The following MAST3 variants were observed in gnomAD, a reference collection of about 807,000 sequenced individuals.
MAST3 encodes microtubule associated serine/threonine kinase 3.
MAST3 carries 43 observed loss-of-function variants against 127.0 expected under a neutral mutation model. The ratio of observed to expected loss-of-function variants is 0.34; its 90% CI spans 0.27 to 0.44. The LOEUF (loss-of-function observed/expected upper bound fraction) is 0.44. Among genes scored for constraint, MAST3 ranks in the 20% least tolerant of loss-of-function variants. The pLI, the probability that MAST3 is intolerant of heterozygous loss-of-function variation, is 1.00. For missense variants in MAST3, 1,390 were observed against 1,919.1 expected (o/e 0.72, Z 5.15); for synonymous variants, 785 against 809.2 (o/e 0.97, Z 0.51).
At chr19:18,102,527 G>A (rs2037727911) in intron 1 of MAST3, among the ~76,000 whole-genome samples, 1 of 149,410 alleles carries the variant, frequency 6.7e-6, no homozygotes, top group Admixed American at 6.7e-5. Context: ...TGTCACCCAG[G>A]CTGGAGTACA....
chr19:18,130,706 C>G lies in MAST3; in HGVS notation c.1432+4C>G. 6.2e-7 allele frequency: 1 copy of G among 1,612,418 alleles called. No individual in the cohort carries two copies. The highest frequency in any genetic ancestry group is 8.5e-7 in the Non-Finnish European group (1 of 1,179,192). On this transcript the variant is annotated splice_donor_region_variant and intron_variant, in intron 14 of 27. Coordinates refer to ENST00000687212, the MANE Select transcript of MAST3 (RefSeq NM_001393504.1). ...ATGGTCATGGAATACGTGGAAGGTACGCTCACTGGGGCTTGCATGCCTCCA... is the reference window on the plus strand; with the variant it reads ...ATGGTCATGGAATACGTGGAAGGTAGGCTCACTGGGGCTTGCATGCCTCCA...
At chr19:18,137,102 G>A in intron 18 of MAST3, 137 bp from the exon 19 acceptor site, 1 of 1,040,504 alleles carries the variant, frequency 9.6e-7, no homozygotes, top group Non-Finnish European at 1.4e-6. Context: ...GATTACAGGT[G>A]TGAGCCACTG....
intron 3 of MAST3, among the ~76,000 whole-genome samples, chr19:18,117,713 G>C (rs545030999): frequency 1.3e-5 from 2 of 152,320 alleles, no homozygotes; most frequent in East Asian, 3.9e-4. Flanking sequence ...AAAAGATGGA[G>C]GGAGCGATTA....
At chr19:18,100,356 T>C (rs11672366) in intron 1 of MAST3, among the ~76,000 whole-genome samples, 57,097 of 151,150 alleles carry the variant, frequency 0.38, 11,133 homozygotes, top group Admixed American at 0.43. Flanking sequence ...AAACTCCTGA[T>C]CTCAGGTGAT....
Position 18,124,105 on chromosome 19 carries a change from A to G in MAST3, c.800A>G (p.Tyr267Cys), listed in dbSNP as rs2040312018. 2 of 1,611,670 alleles carry G rather than the reference A, an allele frequency of 1.2e-6. No homozygotes were observed. Among genetic ancestry groups the G allele is most frequent in the Non-Finnish European group, 8.5e-7 (1 of 1,179,042 alleles). Residue 267 changes from tyrosine (Y) to cysteine (C), a missense_variant, in exon 9 of 28, where the codon TAC becomes TGC. By Grantham distance (194) the Tyr-to-Cys change is radical. Around this residue, in one of 5 missense-constraint regions of MAST3, gnomAD observed 277 missense variants for 384.8 expected, o/e 0.72. Transcript: ENST00000687212. ...GGCGAGAACCTCGTCACCTCCCGCT[A>G]CTTCCTAGAGATGCAGGAGAAGCTG... is the stretch of plus-strand genomic sequence containing the variant. Reference protein sequence around the residue: ...KSGENLVTSRYFLEMQEKLER... With the variant: ...KSGENLVTSRCFLEMQEKLER...
chr19:18,098,630 C>T (rs2037240845), intron 1 of MAST3: 1 of 443,618 alleles, frequency 2.3e-6, no homozygotes, highest in Non-Finnish European at 4.5e-6. Context: ...CTCTGGGCCT[C>T]AGTGTCCCCA....
rs1351250584 is a variant in MAST3 at position 18,112,243 on chromosome 19, A to C, written c.161+1502A>C. Among the ~76,000 whole-genome samples, 1 of 152,152 alleles carries C rather than the reference A, an allele frequency of 6.6e-6. No individual in the cohort carries two copies. Among genetic ancestry groups the C allele is most frequent in the Non-Finnish European group, 1.5e-5 (1 of 68,016 alleles). On this transcript the variant is annotated intron_variant, in intron 3 of 27. Transcript: ENST00000687212. The surrounding 1 kb of genome is among the most constrained non-coding windows in gnomAD (Gnocchi z 4.1). ...AGTGGCATGATCTCGGCTCACTGCA[A>C]CCTCTGCCTCCCAGGTTCAAGTGAT...
chr19:18,109,560 AG>A (rs2038341941), intron 2 of MAST3, among the ~76,000 whole-genome samples: 1 of 151,864 alleles, frequency 6.6e-6, no homozygotes, highest in Non-Finnish European at 1.5e-5. Flanking sequence ...CAAGAGGGCC[AG>A]AGTGAGACAC....
intron 13 of MAST3, chr19:18,129,348 C>T (rs2041010471): frequency 5.6e-6 from 1 of 177,428 alleles, no homozygotes; most frequent in South Asian, 1.2e-4. Flanking sequence ...GAGTCACCAT[C>T]AAGAGGGAGA....
Position 18,144,958 on chromosome 19 carries a change from G to A in MAST3, c.2813-45G>A, listed in dbSNP as rs1271620345. ...TGGTGGGAAAGAGGGGGCCCCAGGGGAGACCTGTGAGGGAGTGAGTGACCC... is the reference window on the plus strand; with the variant it reads ...TGGTGGGAAAGAGGGGGCCCCAGGGAAGACCTGTGAGGGAGTGAGTGACCC... On this transcript the variant is annotated intron_variant, in intron 23 of 27. Transcript: ENST00000687212. The surrounding 1 kb of genome is among the most constrained non-coding windows in gnomAD (Gnocchi z 4.0). 9.0e-7 allele frequency: 1 copy of A among 1,109,524 alleles called. No homozygotes were observed. Among genetic ancestry groups the A allele is most frequent in the Non-Finnish European group, 1.3e-6 (1 of 744,252 alleles). The allele number at this position is 1,109,524 out of a possible 1,614,324, so 68.7% of individuals were successfully genotyped here. A position where few individuals can be genotyped will look rare whatever the true frequency, so the allele number is the denominator to read the frequency against.
Position 18,137,350 on chromosome 19 carries a change from G to C in MAST3, c.2084G>C (p.Ser695Thr), listed in dbSNP as rs2041984475. ...VPQLEAEDDT[S>T]YFDTRSERYR... ...CAGCTCGAAGCTGAGGATGATACCA[G>C]CTACTTTGACAGTAAGGAGGGATCC... Residue 695 changes from serine (S) to threonine (T), a missense_variant, in exon 19 of 28, where the codon AGC (serine) becomes ACC (threonine). Physicochemically the swap from Ser to Thr is moderately conservative, Grantham distance 58 (BLOSUM62 1). Coordinates refer to ENST00000687212, the MANE Select transcript of MAST3 (RefSeq NM_001393504.1). 6.2e-7 allele frequency: 1 copy of C among 1,613,562 alleles called. No individual in the cohort carries two copies. The highest frequency in any genetic ancestry group is 1.7e-4 in the Middle Eastern group (1 of 6,058).
At chr19:18,123,143 A>AGGGGTG (rs1234127425) in intron 6 of MAST3, 74 bp from the exon 7 acceptor site, 2 of 1,529,052 alleles carry the variant, frequency 1.3e-6, no homozygotes, top group African/African-American at 2.7e-5. Flanking sequence ...CTGGGCCTTG[A>AGGGGTG]GGGGTGGTGC....
At chr19:18,147,844 C>A (rs1318520896) in intron 27 of MAST3, among the ~76,000 whole-genome samples, 1 of 152,152 alleles carries the variant, frequency 6.6e-6, no homozygotes, top group Non-Finnish European at 1.5e-5. Context: ...ACAAATGGGG[C>A]TAGACAGGAG....
chr19:18,101,920 C>T (rs560604593), intron 1 of MAST3, among the ~76,000 whole-genome samples: 1 of 110,282 alleles, frequency 9.1e-6, no homozygotes, highest in Non-Finnish European at 1.7e-5. Flanking sequence ...CGGAGTCTTG[C>T]TCTGTCGCCC....
Position 18,145,833 on chromosome 19 carries a change from G to A in MAST3, c.3130G>A (p.Val1044Met), listed in dbSNP as rs753033363. 2 of 1,599,740 alleles carry A rather than the reference G, an allele frequency of 1.3e-6. No homozygotes were observed. The highest frequency in any genetic ancestry group is 8.5e-7 in the Non-Finnish European group (1 of 1,174,406). ...CAACGGGGAGTCAGTGCTGGGGCTG[G>A]TGCACATGGACGTCGTGGAGCTGCT... ...HINGESVLGLVHMDVVELLLK... is the reference protein window; with the variant it reads ...HINGESVLGLMHMDVVELLLK... The change falls in exon 25 of 28, where the codon GTG (valine) becomes ATG (methionine). Residue 1044 changes from valine to methionine, a missense_variant. Coordinates refer to ENST00000687212, the MANE Select transcript of MAST3 (RefSeq NM_001393504.1). This position sits in a 1 kb window ranked among gnomAD's most constrained non-coding sequence, Gnocchi z 5.9.
At chr19:18,121,797 G>A in intron 4 of MAST3, 24 bp downstream of exon 4, 1 of 1,613,812 alleles carries the variant, frequency 6.2e-7, no homozygotes, top group Non-Finnish European at 8.5e-7. Flanking sequence ...CAGCCAGCGG[G>A]TGCTGTGTCC....
Position 18,145,612 on chromosome 19 carries a change from C to T in MAST3, c.3040-131C>T. ...CTTTGATGGGTGAGTAGGAGTTCCC[C>T]CAGGATCAGGGAAACTGAGACAGCA... On this transcript the variant is annotated intron_variant, in intron 24 of 27. Transcript: ENST00000687212. The surrounding 1 kb of genome is among the most constrained non-coding windows in gnomAD (Gnocchi z 5.9). 2.6e-6 allele frequency: 3 copies of T among 1,160,636 alleles called. No homozygotes were observed. Among genetic ancestry groups the T allele is most frequent in the Non-Finnish European group, 3.5e-6 (3 of 852,020 alleles). The allele number at this position is 1,160,636 out of a possible 1,614,324, so 71.9% of individuals were successfully genotyped here.
At chr19:18,123,535 G>T in intron 7 of MAST3, 45 bp from the exon 8 acceptor site, 2 of 1,489,904 alleles carry the variant, frequency 1.3e-6, no homozygotes, top group South Asian at 1.4e-5. Context: ...CTCCCCTGGG[G>T]TTGGTCTCAG....
At chr19:18,138,545 T>C (rs1349115845) in intron 19 of MAST3, among the ~76,000 whole-genome samples, 1 of 152,172 alleles carries the variant, frequency 6.6e-6, no homozygotes, top group Non-Finnish European at 1.5e-5. Context: ...TCACCCAGGC[T>C]GGAGTGCAGT....
Sources: gnomAD v4.1 joint callset for allele counts (sites outside exome capture counted in the v4.1 genomes callset) on GRCh38, gnomAD v4.1.1 for gene constraint, gnomAD v4.1.1 regional missense constraint, Gnocchi (gnomAD v3.1) non-coding constraint, MANE v1.5 for transcripts, NCBI Gene and HGNC (gene_info 2026-07-23, HGNC 2026-07-21) for gene names.